The following SF3A3 variants were observed in gnomAD, a reference collection of about 807,000 sequenced individuals.
SF3A3 encodes splicing factor 3a subunit 3.
A neutral mutation model predicts 85.8 loss-of-function variants in SF3A3; 9 were observed. That is an observed-to-expected ratio of 0.10 (90% CI 0.06 to 0.18). SF3A3 has a LOEUF of 0.18. SF3A3 is among the 10% of genes least tolerant of loss of function. The probability of loss-of-function intolerance (pLI) is 1.00; values close to 1 mark genes in which losing one functional copy is unlikely to be tolerated. For missense variants in SF3A3, 306 were observed against 593.3 expected (o/e 0.52, Z 5.03); for synonymous variants, 195 against 204.4 (o/e 0.95, Z 0.39).
intron 12 of SF3A3, among the ~76,000 whole-genome samples, chr1:37,972,109 C>T (rs1646348607): frequency 6.6e-6 from 1 of 152,168 alleles, no homozygotes; most frequent in Admixed American, 6.6e-5. Flanking sequence ...TAGAAAACTC[C>T]ATTGTCTCAG....
intron 15 of SF3A3, among the ~76,000 whole-genome samples, chr1:37,964,362 T>A (rs1372180872): frequency 6.6e-6 from 1 of 152,136 alleles, no homozygotes; most frequent in Non-Finnish European, 1.5e-5. Flanking sequence ...CCCAGCACTT[T>A]GGGAAGCCAA....
At chr1:37,967,937 C>T in intron 15 of SF3A3, 107 bp downstream of exon 15, 1 of 713,156 alleles carries the variant, frequency 1.4e-6, no homozygotes, top group Non-Finnish European at 2.6e-6. Context: ...TTTACATATC[C>T]ACAACCTACT....
chr1:37,989,994 GACC>G lies in SF3A3; in HGVS notation c.-32_-30del, dbSNP rs1357544673. The G allele has an allele frequency of 5.2e-6, 8 of 1,548,980 alleles. No homozygotes were observed. The South Asian group carries it at 8.9e-5, about 17-fold the overall frequency. The stretch of plus-strand genomic sequence containing the variant: ...CCCTTAGTCGCGGCTTCTCAATTCA[GACC>G]ACCAACACGGCCGGAAGCAACTCCT... On this transcript the variant is annotated 5_prime_UTR_variant, in exon 1 of 17. Transcript: ENST00000373019.
At chr1:37,989,643 G>A (rs370733067) in intron 1 of SF3A3, 48 bp from the exon 2 acceptor site, 4 of 1,605,362 alleles carry the variant, frequency 2.5e-6, no homozygotes, top group African/African-American at 2.7e-5. Context: ...GCGTTCTGGA[G>A]TAGAAAAGGC....
At chr1:37,978,580 G>A in intron 11 of SF3A3, 140 bp downstream of exon 11, 1 of 602,184 alleles carries the variant, frequency 1.7e-6, no homozygotes. Context: ...TCTGCTATTA[G>A]CAGAGATAAA....
At chr1:37,984,121 T>A in intron 6 of SF3A3, 48 bp downstream of exon 6, 1 of 1,037,294 alleles carries the variant, frequency 9.6e-7, no homozygotes, top group Non-Finnish European at 1.5e-6. Context: ...CCTACTGTCC[T>A]GACTCACTTC....
chr1:37,975,266 AG>A (rs1250146193), intron 12 of SF3A3, among the ~76,000 whole-genome samples: 14 of 152,214 alleles, frequency 9.2e-5, no homozygotes, highest in African/African-American at 3.1e-4. Context: ...GAGTGGCTCC[AG>A]CACTTTGGGA....
In SF3A3 at chr1:37,969,369, G is replaced by A; in HGVS notation, c.1266C>T (p.Phe422=). Residue 422 remains phenylalanine, a synonymous_variant, in exon 14 of 17, where the codon TTC becomes TTT. Transcript: ENST00000373019. Reference sequence around the variant, plus strand: ...AATTCCTTACAGCAAAGTGTCGCTGGAAGGCTTTGGGCCCTCGGTAGGTGT... The same window carrying A: ...AATTCCTTACAGCAAAGTGTCGCTGAAAGGCTTTGGGCCCTCGGTAGGTGT... ...GNYTYRGPKA[F]QRHFAEWRHA... The A allele has an allele frequency of 6.2e-7, 1 of 1,609,802 alleles. No homozygotes were observed. Among genetic ancestry groups the A allele is most frequent in the Non-Finnish European group, 8.5e-7 (1 of 1,177,748 alleles).
At chr1:37,962,238 TCAAGAATCTAAC>T (rs1346627909) in intron 15 of SF3A3, among the ~76,000 whole-genome samples, 1 of 116,680 alleles carries the variant, frequency 8.6e-6, no homozygotes, top group African/African-American at 3.3e-5. Context: ...CCAAAGCCCT[TCAAGAATCTAAC>T]CAAGAATTCA....
chr1:37,965,300 C>CAT (rs1336184272), intron 15 of SF3A3, among the ~76,000 whole-genome samples: 1 of 10,774 alleles, frequency 9.3e-5, no homozygotes, highest in Non-Finnish European at 2.0e-4. Context: ...ACCCCATCGG[C>CAT]ACAAAAAAAA....
In SF3A3 at chr1:37,979,683, T is replaced by C. The variant is rs577435428; in HGVS notation, c.691-150A>G. On this transcript the variant is annotated intron_variant, in intron 8 of 16. Transcript: ENST00000373019. The stretch of plus-strand genomic sequence containing the variant: ...CCAGGCAGGGAAACATGGTGAAATC[T>C]TGTCTCTACAAAAAATTATCTGAAT... The C allele has an allele frequency of 2.6e-5, 15 of 568,460 alleles. No individual in the cohort carries two copies. In the Admixed American group the frequency reaches 3.3e-4, roughly 12 times the overall value. The allele number at this position is 568,460 out of a possible 1,614,324, so 35.2% of individuals were successfully genotyped here.
intron 16 of SF3A3, among the ~76,000 whole-genome samples, chr1:37,959,006 G>A (rs995495775): frequency 1.3e-5 from 2 of 152,000 alleles, no homozygotes; most frequent in Middle Eastern, 3.2e-3. Flanking sequence ...ACAGAGTCTC[G>A]GCATTTTAGT....
chr1:37,983,541 C>G (rs575815134), intron 6 of SF3A3, among the ~76,000 whole-genome samples: 3 of 126,070 alleles, frequency 2.4e-5, no homozygotes, highest in African/African-American at 9.3e-5. Context: ...GAGCCAAGAT[C>G]GCGCCACTGC....
intron 2 of SF3A3, among the ~76,000 whole-genome samples, chr1:37,988,543 C>A (rs1022610440): frequency 1.3e-5 from 2 of 152,054 alleles, no homozygotes; most frequent in East Asian, 1.9e-4. Flanking sequence ...GATTTTGACA[C>A]CAAATAATCA....
At chr1:37,976,338 G>T (rs1241288228) in intron 12 of SF3A3, among the ~76,000 whole-genome samples, 1 of 152,000 alleles carries the variant, frequency 6.6e-6, no homozygotes, top group Non-Finnish European at 1.5e-5. Context: ...CAAGCATACT[G>T]GTCAGGCTAG....
At chr1:37,984,146 C>T (rs777575687) in intron 6 of SF3A3, 23 bp downstream of exon 6, 1 of 1,389,294 alleles carries the variant, frequency 7.2e-7, no homozygotes, top group Admixed American at 1.7e-5. Flanking sequence ...ATCAGAACCT[C>T]TCTGCCCTTT....
Position 37,984,698 on chromosome 1 carries a change from C to A in SF3A3, c.376+9G>T. 6.2e-7 allele frequency: 1 copy of A among 1,602,476 alleles called. No individual in the cohort carries two copies. Among genetic ancestry groups the A allele is most frequent in the East Asian group, 2.2e-5 (1 of 44,814 alleles). ...GCTGGTGCTGAATGAAATTTTCACC[C>A]CTACTTACTTTGTGCCTCTTCACTT... On this transcript the variant is annotated intron_variant, in intron 5 of 16. Transcript: ENST00000373019.
chr1:37,974,494 G>T (rs1306991895), intron 12 of SF3A3, among the ~76,000 whole-genome samples: 1 of 151,988 alleles, frequency 6.6e-6, no homozygotes, highest in Admixed American at 6.6e-5. Context: ...AGTAGAGACA[G>T]GGTTTCACAG....
chr1:37,969,481 C>A lies in SF3A3; in HGVS notation c.1171-17G>T. ...GGGAATAGGCTAAAAAAGAAAAAAA[C>A]AAAACAAAACCAAGAAGTGTTAGCC... On this transcript the variant is annotated splice_polypyrimidine_tract_variant and intron_variant, in intron 13 of 16. Transcript: ENST00000373019. The A allele has an allele frequency of 6.2e-7, 1 of 1,612,656 alleles. No homozygotes were observed. Among genetic ancestry groups the A allele is most frequent in the Non-Finnish European group, 8.5e-7 (1 of 1,178,766 alleles).
Sources: gnomAD v4.1 joint callset for allele counts (sites outside exome capture counted in the v4.1 genomes callset) on GRCh38, gnomAD v4.1.1 for gene constraint, MANE v1.5 for transcripts, NCBI Gene and HGNC (gene_info 2026-07-23, HGNC 2026-07-21) for gene names.